ICA1L: variants seen among roughly 807,000 people sequenced by gnomAD.
ICA1L encodes islet cell autoantigen 1-like protein.
A neutral mutation model predicts 61.3 loss-of-function variants in ICA1L; 50 were observed. That is an observed-to-expected ratio of 0.82 (90% CI 0.65 to 1.03). The LOEUF (loss-of-function observed/expected upper bound fraction) is 1.03, where lower values mean the gene tolerates loss of function less well. Among genes scored for constraint, ICA1L ranks in the 50% least tolerant of loss-of-function variants. The pLI, the probability that ICA1L is intolerant of heterozygous loss-of-function variation, is 0.00. For synonymous variants in ICA1L, 161 were observed against 191.3 expected (o/e 0.84, Z 1.31); for missense variants, 508 against 556.7 (o/e 0.91, Z 0.88).
rs1053988535 is a variant in ICA1L at position 202,849,056 on chromosome 2, G to A, written c.-7-20040C>T. 2.6e-5 allele frequency among the ~76,000 whole-genome samples: 4 copies of A among 152,212 alleles called. No individual in the cohort carries two copies. Among genetic ancestry groups the A allele is most frequent in the African/African-American group, 7.2e-5 (3 of 41,550 alleles). ...AGGAGCTGGGGCCCTCCCTCCCCCA[G>A]CCAAGGGAAGCCACGAGGGACTGTG... is the stretch of plus-strand genomic sequence containing the variant. On this transcript the variant is annotated intron_variant, in intron 1 of 12. Coordinates refer to ENST00000358299, the MANE Select transcript of ICA1L (RefSeq NM_001288622.3). The surrounding 1 kb of genome is among the most constrained non-coding windows in gnomAD (Gnocchi z 4.5).
intron 1 of ICA1L, among the ~76,000 whole-genome samples, chr2:202,851,732 G>A (rs150507140): frequency 8.5e-5 from 13 of 152,142 alleles, no homozygotes; most frequent in South Asian, 2.1e-4. Flanking sequence ...ATCTCATGGT[G>A]GTTTTGATTT....
chr2:202,868,969 AAACAACAACAAC>A (rs371799768), intron 1 of ICA1L, among the ~76,000 whole-genome samples: 2 of 151,676 alleles, frequency 1.3e-5, no homozygotes, highest in African/African-American at 4.8e-5. Context: ...CTCTGTCTCA[AAACAACAACAAC>A]AACAACAACA....
chr2:202,869,125 T>C (rs995402137), intron 1 of ICA1L, among the ~76,000 whole-genome samples: 24 of 152,068 alleles, frequency 1.6e-4, no homozygotes, highest in African/African-American at 5.8e-4. Context: ...TTTGGGAGGC[T>C]GAGGCGGGCG....
intron 12 of ICA1L, among the ~76,000 whole-genome samples, chr2:202,780,066 T>G (rs1692352937): frequency 6.6e-6 from 1 of 152,204 alleles, no homozygotes; most frequent in Non-Finnish European, 1.5e-5. Flanking sequence ...AGCAATACTG[T>G]GGTCTCCATA....
chr2:202,779,769 CAAT>C, intron 12 of ICA1L, 121 bp from the exon 13 acceptor site: 4 of 599,814 alleles, frequency 6.7e-6, no homozygotes, highest in Non-Finnish European at 8.7e-6. Context: ...AGATAACTGA[CAAT>C]AATCTATCAA....
At chr2:202,786,077 G>C in intron 11 of ICA1L, 70 bp from the exon 12 acceptor site, 1 of 861,576 alleles carries the variant, frequency 1.2e-6, no homozygotes, top group Non-Finnish European at 1.9e-6. Context: ...AACAAGAAAA[G>C]GTAAAAATAT....
At chr2:202,825,222 A>G (rs995971473) in intron 3 of ICA1L, among the ~76,000 whole-genome samples, 1 of 152,180 alleles carries the variant, frequency 6.6e-6, no homozygotes, top group African/African-American at 2.4e-5. Context: ...TAATCCCAGT[A>G]CTTTGGGAGG....
intron 1 of ICA1L, among the ~76,000 whole-genome samples, chr2:202,862,555 G>C (rs1317917836): frequency 1.3e-5 from 2 of 152,144 alleles, no homozygotes; most frequent in Middle Eastern, 3.2e-3. Flanking sequence ...TAAATAAATA[G>C]GCCAGGCATG....
intron 4 of ICA1L, among the ~76,000 whole-genome samples, 184 bp downstream of exon 4, chr2:202,821,173 TA>T (rs528214222): frequency 8.5e-4 from 130 of 152,324 alleles, no homozygotes; most frequent in African/African-American, 3.1e-3. Context: ...CATCAATCAT[TA>T]AATAATTATT....
chr2:202,775,231 T>C lies in ICA1L; in HGVS notation c.*4302A>G, dbSNP rs1183551375. On this transcript the variant is annotated 3_prime_UTR_variant, in exon 13 of 13. Transcript: ENST00000358299. ...TCGTTTTTCCTTCCTAATTTCTATA[T>C]TCCAAAATTCTGGGACTGCTTCATT... The C allele has an allele frequency of 2.0e-5, 3 of 152,236 alleles. No homozygotes were observed. Among genetic ancestry groups the C allele is most frequent in the Admixed American group, 2.0e-4 (3 of 15,286 alleles). 9.4% of individuals were successfully genotyped at this position (152,236 alleles called of 1,614,324 possible).
intron 9 of ICA1L, among the ~76,000 whole-genome samples, chr2:202,811,012 G>GC (rs554804406): frequency 1.3e-5 from 2 of 152,012 alleles, no homozygotes; most frequent in Non-Finnish European, 2.9e-5. Flanking sequence ...TTTTAACTTC[G>GC]CCCCTGTCCT....
At chr2:202,779,778 A>G in intron 12 of ICA1L, 130 bp from the exon 13 acceptor site, 1 of 602,356 alleles carries the variant, frequency 1.7e-6, no homozygotes, top group East Asian at 2.8e-5. Context: ...ACAATAATCT[A>G]TCAACTATAG....
chr2:202,848,476 G>A (rs1286558100), intron 1 of ICA1L, among the ~76,000 whole-genome samples: 1 of 152,178 alleles, frequency 6.6e-6, no homozygotes, highest in Non-Finnish European at 1.5e-5. Context: ...TCAGAGATCT[G>A]AGCTGACTGG....
chr2:202,840,322 T>G, intron 1 of ICA1L: 1 of 472,304 alleles, frequency 2.1e-6, no homozygotes, highest in Non-Finnish European at 4.2e-6. Flanking sequence ...GAGGAGCTGC[T>G]GCAGCTGTTC....
chr2:202,794,402 A>G (rs1692853810), intron 10 of ICA1L, among the ~76,000 whole-genome samples: 1 of 151,938 alleles, frequency 6.6e-6, no homozygotes, highest in African/African-American at 2.4e-5. Flanking sequence ...TTAAGAAAGT[A>G]AGTATGGATG....
In ICA1L at chr2:202,817,407, G is replaced by C; in HGVS notation, c.684+11C>G. On this transcript the variant is annotated intron_variant, in intron 6 of 12. Coordinates refer to ENST00000358299, the MANE Select transcript of ICA1L (RefSeq NM_001288622.3). ...TTACTGCAAGGATATGCTGACCATG[G>C]AGGTGGGTACCTGGTAGGTAGTGAG... 6.4e-7 allele frequency: 1 copy of C among 1,564,604 alleles called. No individual in the cohort carries two copies. Among genetic ancestry groups the C allele is most frequent in the East Asian group, 2.4e-5 (1 of 42,524 alleles).
intron 1 of ICA1L, 105 bp from the exon 2 acceptor site, chr2:202,829,121 A>G: frequency 1.2e-6 from 1 of 835,444 alleles, no homozygotes; most frequent in Non-Finnish European, 1.8e-6. Flanking sequence ...GGCTGAGGCG[A>G]GCGGATCACG....
chr2:202,863,290 T>A (rs1478554609), intron 1 of ICA1L, among the ~76,000 whole-genome samples: 2 of 151,792 alleles, frequency 1.3e-5, no homozygotes, highest in East Asian at 3.9e-4. Flanking sequence ...AGACTCCATC[T>A]CAATAAAAAA....
intron 11 of ICA1L, among the ~76,000 whole-genome samples, chr2:202,788,386 C>T (rs1458273529): frequency 6.6e-6 from 1 of 152,038 alleles, no homozygotes; most frequent in Non-Finnish European, 1.5e-5. Context: ...AAAGTGACCC[C>T]CAAGGTGCAG....
Sources: allele counts gnomAD v4.1 joint callset (sites outside exome capture counted in the v4.1 genomes callset), GRCh38; gene constraint gnomAD v4.1.1; non-coding constraint Gnocchi (gnomAD v3.1); transcripts MANE v1.5; gene names NCBI Gene and HGNC (gene_info 2026-07-23, HGNC 2026-07-21).